CNTLN: variants seen among roughly 807,000 people sequenced by gnomAD.
CNTLN encodes centlein, centrosomal protein.
CNTLN carries 212 observed loss-of-function variants against 180.0 expected under a neutral mutation model. The ratio of observed to expected loss-of-function variants is 1.18; its 90% CI spans 1.05 to 1.32. CNTLN has a LOEUF of 1.32. Among genes scored for constraint, CNTLN ranks in the 40% most tolerant of loss-of-function variants. The probability of loss-of-function intolerance (pLI) is 0.00; values close to 1 mark genes in which losing one functional copy is unlikely to be tolerated. For synonymous variants in CNTLN, 722 were observed against 563.1 expected (o/e 1.28, Z -3.99); for missense variants, 2,095 against 1,610.9 (o/e 1.30, Z -5.14).
chr9:17,138,960 C>G (rs1447024948), intron 1 of CNTLN, among the ~76,000 whole-genome samples: 1 of 151,980 alleles, frequency 6.6e-6, no homozygotes, highest in African/African-American at 2.4e-5. Flanking sequence ...AGTATTTAGT[C>G]AACTGTTTCA....
rs1315326368 is a variant in CNTLN, at chr9:17,462,940, C to T, written c.3331C>T (p.Gln1111Ter). The change falls in exon 20 of 26, where the codon CAG becomes TAG. Residue 1111 changes from glutamine to a stop codon, truncating the protein, a stop_gained. Coordinates refer to ENST00000380647, the MANE Select transcript of CNTLN (RefSeq NM_017738.4). LOFTEE classifies it high-confidence loss of function. ...LKNATNELTK[Q>*]SSNVKTLKFE... ...GAATGCTACTAATGAACTCACTAAA[C>T]AGTCATCAAATGTGAAGACTTTGAA... The T allele has an allele frequency of 6.4e-7, 1 of 1,572,740 alleles. No individual in the cohort carries two copies. The highest frequency in any genetic ancestry group is 2.3e-5 in the East Asian group (1 of 42,786).
At chr9:17,187,276 C>G (rs1055638885) in intron 2 of CNTLN, among the ~76,000 whole-genome samples, 1 of 152,026 alleles carries the variant, frequency 6.6e-6, no homozygotes, top group South Asian at 2.1e-4. Flanking sequence ...TTGAAAATGT[C>G]AAACTCTTTT....
rs1240732001 is a variant in CNTLN, at chr9:17,289,093, C to T, written c.984-9097C>T. ...TTTTGCTCGTTAGTTGATGCAGTTT[C>T]TTCCTAGTCTCCATGGTCTTTACAT... On this transcript the variant is annotated intron_variant, in intron 6 of 25. Coordinates refer to ENST00000380647, the MANE Select transcript of CNTLN (RefSeq NM_017738.4). Among the ~76,000 whole-genome samples, 4 of 124,940 alleles carry T rather than the reference C, an allele frequency of 3.2e-5. 2 individuals carry two copies. In the South Asian group the frequency reaches 1.4e-3, roughly 44 times the overall value. The allele number at this position is 124,940 out of a possible 152,430, so 82.0% of individuals were successfully genotyped here. A position where few individuals can be genotyped will look rare whatever the true frequency, so the allele number is the denominator to read the frequency against.
intron 15 of CNTLN, among the ~76,000 whole-genome samples, chr9:17,401,122 G>T (rs1256382187): frequency 3.3e-5 from 5 of 152,096 alleles, no homozygotes; most frequent in Admixed American, 3.3e-4. Context: ...TAGGTTCCTA[G>T]CATTTTATTC....
intron 14 of CNTLN, among the ~76,000 whole-genome samples, chr9:17,392,325 C>T (rs894626133): frequency 8.5e-5 from 13 of 152,118 alleles, no homozygotes; most frequent in African/African-American, 3.1e-4. Context: ...GTATGTTTTA[C>T]TCACTCCCCT....
At chr9:17,137,945 A>G (rs1817832874) in intron 1 of CNTLN, among the ~76,000 whole-genome samples, 1 of 152,190 alleles carries the variant, frequency 6.6e-6, no homozygotes, top group South Asian at 2.1e-4. Flanking sequence ...CTGAACTATA[A>G]ATAATGCTTA....
chr9:17,454,715 C>T (rs148334320), intron 18 of CNTLN, among the ~76,000 whole-genome samples: 1 of 152,184 alleles, frequency 6.6e-6, no homozygotes, highest in Non-Finnish European at 1.5e-5. Flanking sequence ...TCGAGATCAC[C>T]TTTGTTAGGT....
chr9:17,414,646 C>G (rs930714976), intron 16 of CNTLN, among the ~76,000 whole-genome samples: 2 of 152,012 alleles, frequency 1.3e-5, no homozygotes, highest in Non-Finnish European at 2.9e-5. Flanking sequence ...AAAGGAAAAC[C>G]TTATTTTAGA....
intron 19 of CNTLN, 90 bp from the exon 20 acceptor site, chr9:17,462,826 G>T (rs2134190329): frequency 2.1e-6 from 1 of 472,250 alleles, no homozygotes; most frequent in Non-Finnish European, 3.8e-6. Context: ...TTATTGTAGA[G>T]GTATTCTTCT....
At chr9:17,170,828 C>A (rs1436137998) in intron 2 of CNTLN, among the ~76,000 whole-genome samples, 2 of 151,748 alleles carry the variant, frequency 1.3e-5, no homozygotes, top group African/African-American at 4.8e-5. Context: ...TGATGGTAGT[C>A]CCATAAGATT....
chr9:17,356,169 A>C (rs1822829092), intron 12 of CNTLN, among the ~76,000 whole-genome samples: 1 of 152,126 alleles, frequency 6.6e-6, no homozygotes, highest in Non-Finnish European at 1.5e-5. Context: ...ATAATAGTTT[A>C]ATCAAGAGTT....
At chr9:17,312,369 T>TTATATATATATATATATATATA (rs1587619948) in intron 8 of CNTLN, among the ~76,000 whole-genome samples, 8 of 34,382 alleles carry the variant, frequency 2.3e-4, no homozygotes, top group South Asian at 1.0e-3. Context: ...ATATATTATA[T>TTATATATATATATATATATATA]ATATATATAT....
At chr9:17,358,709 T>C (rs1328973611) in intron 12 of CNTLN, among the ~76,000 whole-genome samples, 1 of 152,206 alleles carries the variant, frequency 6.6e-6, no homozygotes, top group Admixed American at 6.5e-5. Context: ...ATAATTCTAC[T>C]TCTAGTTAGA....
At chr9:17,518,577 G>A in the CNTLN span, among the ~76,000 whole-genome samples, 25 of 152,050 alleles carry the variant, frequency 1.6e-4, no homozygotes, top group Admixed American at 8.5e-4. Context: ...CTGTTATCAG[G>A]AAAAGAAATG....
chr9:17,214,107 C>G (rs997428734), intron 2 of CNTLN, among the ~76,000 whole-genome samples: 1 of 152,062 alleles, frequency 6.6e-6, no homozygotes, highest in Non-Finnish European at 1.5e-5. Flanking sequence ...ATGATTTTAG[C>G]TGGTTATTTT....
chr9:17,483,059 C>G (rs959751575), intron 23 of CNTLN, among the ~76,000 whole-genome samples: 1 of 151,900 alleles, frequency 6.6e-6, no homozygotes, highest in Non-Finnish European at 1.5e-5. Context: ...AAATATTTTT[C>G]TGTGACATCA....
chr9:17,153,811 C>G (rs1013979077), intron 2 of CNTLN, among the ~76,000 whole-genome samples: 1 of 152,178 alleles, frequency 6.6e-6, no homozygotes, highest in Non-Finnish European at 1.5e-5. Flanking sequence ...TAGACTTGGT[C>G]TTTTCACATA....
chr9:17,403,690 C>T (rs1587900291), intron 15 of CNTLN, among the ~76,000 whole-genome samples: 1 of 151,790 alleles, frequency 6.6e-6, no homozygotes, highest in South Asian at 2.1e-4. Flanking sequence ...TGCACTTGCT[C>T]AATCTTGATC....
intron 6 of CNTLN, among the ~76,000 whole-genome samples, chr9:17,295,277 A>G (rs564800852): frequency 2.1e-3 from 316 of 152,254 alleles, no homozygotes; most frequent in African/African-American, 7.2e-3. Flanking sequence ...GGGGACTCCC[A>G]AGGTGCAGCG....
Sources: allele counts gnomAD v4.1 joint callset (sites outside exome capture counted in the v4.1 genomes callset), GRCh38; gene constraint gnomAD v4.1.1; transcripts MANE v1.5; gene names NCBI Gene and HGNC (gene_info 2026-07-23, HGNC 2026-07-21).